The following CNTNAP2 variants were observed in gnomAD, a reference collection of about 807,000 sequenced individuals.
CNTNAP2 encodes the protein contactin associated protein 2.
Under a neutral mutation model 155.2 loss-of-function variants are expected in CNTNAP2, and 98 were observed. The observed-to-expected ratio is 0.63, with a 90% CI of 0.54 to 0.75. CNTNAP2 has a LOEUF of 0.75. Among genes scored for constraint, CNTNAP2 ranks in the 30% least tolerant of loss-of-function variants. The pLI, the probability that CNTNAP2 is intolerant of heterozygous loss-of-function variation, is 0.00. For missense variants in CNTNAP2, 1,727 were observed against 1,688.1 expected (o/e 1.02, Z -0.40); for synonymous variants, 651 against 631.2 (o/e 1.03, Z -0.47).
At chr7:148,022,185 TAA>T (rs138292028) in intron 15 of CNTNAP2, among the ~76,000 whole-genome samples, 85 of 149,044 alleles carry the variant, frequency 5.7e-4, no homozygotes, top group African/African-American at 2.0e-3. Context: ...AAAGAGGGTT[TAA>T]AAAAAAAAAT....
intron 8 of CNTNAP2, among the ~76,000 whole-genome samples, chr7:147,204,577 A>C (rs781208903): frequency 6.6e-6 from 1 of 151,962 alleles, no homozygotes; most frequent in Non-Finnish European, 1.5e-5. Context: ...TCAATTTTTA[A>C]AAAAATATTT....
chr7:146,272,516 C>G (rs139631847), intron 1 of CNTNAP2, among the ~76,000 whole-genome samples: 5 of 152,258 alleles, frequency 3.3e-5, no homozygotes, highest in Non-Finnish European at 5.9e-5. Flanking sequence ...TACTCTGGCT[C>G]CCCGCTGGTA....
intron 4 of CNTNAP2, among the ~76,000 whole-genome samples, chr7:147,048,316 G>T (rs904834010): frequency 6.6e-6 from 1 of 152,066 alleles, no homozygotes. Context: ...GGAACCAGAG[G>T]CTGTAGTGAT....
At chr7:146,485,211 A>C (rs770069864) in intron 1 of CNTNAP2, among the ~76,000 whole-genome samples, 1 of 152,172 alleles carries the variant, frequency 6.6e-6, no homozygotes, top group Non-Finnish European at 1.5e-5. Flanking sequence ...TGTTTAAAAA[A>C]ATAAAACAGA....
At chr7:148,339,795 G>T (rs973436453) in intron 21 of CNTNAP2, among the ~76,000 whole-genome samples, 1 of 152,136 alleles carries the variant, frequency 6.6e-6, no homozygotes, top group Non-Finnish European at 1.5e-5. Context: ...TGCAAGCAGC[G>T]CTTTTGGTCA....
intron 9 of CNTNAP2, among the ~76,000 whole-genome samples, chr7:147,377,720 A>G (rs1417913310): frequency 6.6e-6 from 1 of 151,706 alleles, no homozygotes. Flanking sequence ...AGTTTCTCTC[A>G]GTACTTTGAG....
chr7:147,754,055 T>G (rs1409634177), intron 13 of CNTNAP2, among the ~76,000 whole-genome samples: 1 of 151,982 alleles, frequency 6.6e-6, no homozygotes, highest in Non-Finnish European at 1.5e-5. Flanking sequence ...AATACAATAC[T>G]GAGGCAAATG....
chr7:148,101,195 C>A (rs985136376), intron 15 of CNTNAP2, among the ~76,000 whole-genome samples: 5 of 151,660 alleles, frequency 3.3e-5, no homozygotes, highest in African/African-American at 4.8e-5. Context: ...ATGACGAGTT[C>A]ATGGGTGCAG....
intron 1 of CNTNAP2, among the ~76,000 whole-genome samples, chr7:146,728,493 G>T (rs960309221): frequency 1.3e-5 from 2 of 151,888 alleles, no homozygotes; most frequent in African/African-American, 2.4e-5. Context: ...GAAGATAATG[G>T]CTACAGGTGT....
chr7:147,673,060 T>A (rs1265847398), intron 13 of CNTNAP2: 1 of 152,320 alleles, frequency 6.6e-6, no homozygotes, highest in Non-Finnish European at 1.5e-5. Flanking sequence ...GGAAACATAA[T>A]TAGAAGATTC....
chr7:147,285,561 AT>A (rs1305980942), intron 8 of CNTNAP2, among the ~76,000 whole-genome samples: 1 of 152,060 alleles, frequency 6.6e-6, no homozygotes, highest in African/African-American at 2.4e-5. Flanking sequence ...AATTGTCATT[AT>A]TTTCATTTTT....
At chr7:147,268,363 T>C (rs1804664494) in intron 8 of CNTNAP2, among the ~76,000 whole-genome samples, 1 of 152,160 alleles carries the variant, frequency 6.6e-6, no homozygotes, top group African/African-American at 2.4e-5. Flanking sequence ...TTCATGTCCT[T>C]TGCAGGAACA....
At chr7:146,936,328 G>C (rs1450168015) in intron 3 of CNTNAP2, among the ~76,000 whole-genome samples, 1 of 152,142 alleles carries the variant, frequency 6.6e-6, no homozygotes, top group African/African-American at 2.4e-5. Context: ...ATAGATCCTA[G>C]AACAGACGAG....
intron 11 of CNTNAP2, among the ~76,000 whole-genome samples, chr7:147,507,495 T>C (rs1400784790): frequency 6.6e-6 from 1 of 151,994 alleles, no homozygotes; most frequent in African/African-American, 2.4e-5. Flanking sequence ...CAAATTGATG[T>C]TAACTTATAT....
intron 15 of CNTNAP2, among the ~76,000 whole-genome samples, chr7:148,107,003 C>T (rs1369517910): frequency 6.6e-6 from 1 of 152,036 alleles, no homozygotes; most frequent in Non-Finnish European, 1.5e-5. Context: ...ATAATAGCCC[C>T]CCAAATGAAA....
At chr7:146,912,918 T>C (rs1346547906) in intron 3 of CNTNAP2, among the ~76,000 whole-genome samples, 1 of 152,208 alleles carries the variant, frequency 6.6e-6, no homozygotes, top group African/African-American at 2.4e-5. Context: ...GATATACTCA[T>C]ATGTTATACG....
At chr7:147,705,806 T>C (rs1020785906) in intron 13 of CNTNAP2, among the ~76,000 whole-genome samples, 7 of 152,162 alleles carry the variant, frequency 4.6e-5, no homozygotes, top group Non-Finnish European at 7.4e-5. Flanking sequence ...CATATAATGA[T>C]CTTTCTTGCT....
chr7:147,387,645 C>T (rs1207896584), intron 9 of CNTNAP2, among the ~76,000 whole-genome samples: 1 of 152,058 alleles, frequency 6.6e-6, no homozygotes, highest in Non-Finnish European at 1.5e-5. Context: ...GGTTTTGATA[C>T]AAGCATTCAA....
At chr7:146,566,618 A>G (rs1166165122) in intron 1 of CNTNAP2, among the ~76,000 whole-genome samples, 1 of 151,726 alleles carries the variant, frequency 6.6e-6, no homozygotes, top group Non-Finnish European at 1.5e-5. Flanking sequence ...AATTGCTTGA[A>G]CCCGGGAGGC....
Sources: allele counts gnomAD v4.1 joint callset (sites outside exome capture counted in the v4.1 genomes callset), GRCh38; gene constraint gnomAD v4.1.1; transcripts MANE v1.5; gene names NCBI Gene and HGNC (gene_info 2026-07-23, HGNC 2026-07-21).